DOCK4: variants seen among roughly 807,000 people sequenced by gnomAD.
The protein encoded by DOCK4 is dedicator of cytokinesis protein 4.
In DOCK4, 97 loss-of-function variants were observed where a neutral mutation model predicts 268.1. The observed-to-expected ratio is 0.36, with a 90% CI of 0.31 to 0.43. The LOEUF (loss-of-function observed/expected upper bound fraction) is 0.43, where lower values mean the gene tolerates loss of function less well. Ranked by LOEUF, DOCK4 falls within the 20% of genes least tolerant of loss-of-function variation. DOCK4 has a pLI of 1.00. For missense variants in DOCK4, 2,145 were observed against 2,455.7 expected (o/e 0.87, Z 2.67); for synonymous variants, 954 against 887.2 (o/e 1.08, Z -1.34).
chr7:112,012,594 G>A (rs980619005), intron 1 of DOCK4, among the ~76,000 whole-genome samples: 2 of 151,916 alleles, frequency 1.3e-5, no homozygotes, highest in Admixed American at 1.3e-4. Context: ...CAATCCAAAT[G>A]AAAAACTGTT....
rs1805731432 is a variant in DOCK4, at chr7:111,863,563, G to A, written c.2282C>T (p.Ala761Val). ...GGCAGGGAAAGAGCTCAGAAACACA[G>A]CCTTAAAAAGAAGAAGACATTTAAA... Reference protein sequence around the residue: ...KGSGALSQSQAVFLSSFPAVY... With the variant: ...KGSGALSQSQVVFLSSFPAVY... Residue 761 changes from alanine to valine, a missense_variant and splice_region_variant, in exon 23 of 53, where the codon GCT becomes GTT. Around this residue, in one of 2 missense-constraint regions of DOCK4, gnomAD observed 1,598 missense variants for 1,986.7 expected, o/e 0.80. Coordinates refer to ENST00000428084, the MANE Select transcript of DOCK4 (RefSeq NM_001363540.2). The A allele has an allele frequency of 6.3e-7, 1 of 1,591,150 alleles. No individual in the cohort carries two copies. The highest frequency in any genetic ancestry group is 8.6e-7 in the Non-Finnish European group (1 of 1,166,944).
intron 30 of DOCK4, among the ~76,000 whole-genome samples, chr7:111,805,442 T>C (rs1339644254): frequency 1.3e-5 from 2 of 152,214 alleles, no homozygotes; most frequent in African/African-American, 2.4e-5. Flanking sequence ...GACAAGTTGT[T>C]ATGTAATTTT....
chr7:111,933,321 A>T, intron 12 of DOCK4, among the ~76,000 whole-genome samples: 1 of 123,502 alleles, frequency 8.1e-6, no homozygotes, highest in Middle Eastern at 6.9e-3. Flanking sequence ...TTTGAGATGG[A>T]GTCTCTCTCT....
intron 1 of DOCK4, among the ~76,000 whole-genome samples, chr7:112,131,999 A>G (rs1057036054): frequency 2.6e-5 from 4 of 152,186 alleles, no homozygotes; most frequent in African/African-American, 9.7e-5. Flanking sequence ...AAGCATCATC[A>G]TTGTGAGCCT....
intron 23 of DOCK4, among the ~76,000 whole-genome samples, chr7:111,859,562 ATTTTT>A (rs140285833): frequency 2.0e-5 from 2 of 102,154 alleles, no homozygotes; most frequent in East Asian, 5.2e-4. Context: ...GTGTGTGTTA[ATTTTT>A]TTTTTTTTTT....
intron 1 of DOCK4, among the ~76,000 whole-genome samples, chr7:112,035,296 A>G (rs1331469151): frequency 6.6e-6 from 1 of 151,792 alleles, no homozygotes; most frequent in Non-Finnish European, 1.5e-5. Flanking sequence ...TGAAATGAGG[A>G]CAATTATAAA....
At chr7:111,765,052 T>C in intron 39 of DOCK4, 66 bp downstream of exon 39, 1 of 727,716 alleles carries the variant, frequency 1.4e-6, no homozygotes, top group Non-Finnish European at 2.1e-6. Context: ...CATTAACATC[T>C]TAGTTTTCTT....
chr7:112,120,437 A>T (rs1054851530), intron 1 of DOCK4, among the ~76,000 whole-genome samples: 1 of 152,206 alleles, frequency 6.6e-6, no homozygotes, highest in Non-Finnish European at 1.5e-5. Flanking sequence ...CTGGATTAGT[A>T]ATCTAGACAA....
At chr7:112,056,857 T>C (rs989493797) in intron 1 of DOCK4, among the ~76,000 whole-genome samples, 1 of 152,144 alleles carries the variant, frequency 6.6e-6, no homozygotes, top group African/African-American at 2.4e-5. Flanking sequence ...CAAAAACAAA[T>C]TTTATATACA....
intron 1 of DOCK4, among the ~76,000 whole-genome samples, chr7:112,138,311 G>A (rs929784021): frequency 6.6e-6 from 1 of 152,016 alleles, no homozygotes; most frequent in East Asian, 1.9e-4. Flanking sequence ...GTCACACCTG[G>A]CTACTGAAGT....
chr7:111,956,158 G>A (rs1796432961), intron 8 of DOCK4, among the ~76,000 whole-genome samples: 1 of 152,124 alleles, frequency 6.6e-6, no homozygotes, highest in African/African-American at 2.4e-5. Flanking sequence ...CATTTCGTGA[G>A]AAAAGAATCA....
intron 23 of DOCK4, among the ~76,000 whole-genome samples, chr7:111,851,933 G>GCC (rs1224670505): frequency 6.8e-6 from 1 of 147,830 alleles, no homozygotes; most frequent in African/African-American, 2.5e-5. Flanking sequence ...CTGTGAAAGT[G>GCC]CCTCTCTCTC....
At chr7:111,908,377 G>C (rs1462560697) in intron 13 of DOCK4, among the ~76,000 whole-genome samples, 1 of 152,038 alleles carries the variant, frequency 6.6e-6, no homozygotes. Context: ...GAACATGGAA[G>C]GCAGAGCTTG....
intron 1 of DOCK4, among the ~76,000 whole-genome samples, chr7:112,026,922 T>C (rs1182748135): frequency 6.6e-6 from 1 of 151,918 alleles, no homozygotes; most frequent in African/African-American, 2.4e-5. Flanking sequence ...TTAAAGAGAG[T>C]GGAAATGACT....
intron 1 of DOCK4, among the ~76,000 whole-genome samples, chr7:112,163,219 T>C (rs1453275645): frequency 1.3e-5 from 2 of 152,176 alleles, no homozygotes; most frequent in Non-Finnish European, 2.9e-5. Flanking sequence ...AGAATGGGTT[T>C]GGGGGAACCA....
chr7:112,118,070 GC>G (rs1337265994), intron 1 of DOCK4, among the ~76,000 whole-genome samples: 11 of 151,886 alleles, frequency 7.2e-5, no homozygotes, highest in Non-Finnish European at 1.6e-4. Context: ...AATTCATTTT[GC>G]TTATTGAACC....
At chr7:112,111,084 G>A (rs1306652418) in intron 1 of DOCK4, among the ~76,000 whole-genome samples, 2 of 152,186 alleles carry the variant, frequency 1.3e-5, no homozygotes, top group South Asian at 2.1e-4. Flanking sequence ...AGCACCCACC[G>A]CAGGTGATGT....
intron 23 of DOCK4, among the ~76,000 whole-genome samples, chr7:111,855,113 C>T (rs887975228): frequency 1.2e-4 from 18 of 152,084 alleles, no homozygotes; most frequent in African/African-American, 3.9e-4. Context: ...GGCAGGTGGA[C>T]GGGGCCACAT....
chr7:112,154,578 A>G (rs1160884853), intron 1 of DOCK4, among the ~76,000 whole-genome samples: 2 of 152,204 alleles, frequency 1.3e-5, no homozygotes, highest in African/African-American at 4.8e-5. Flanking sequence ...CAGCTGATAC[A>G]TAGGGTACAG....
Sources: allele counts gnomAD v4.1 joint callset (sites outside exome capture counted in the v4.1 genomes callset), GRCh38; gene constraint gnomAD v4.1.1; regional missense constraint gnomAD v4.1.1; transcripts MANE v1.5; gene names NCBI Gene and HGNC (gene_info 2026-07-23, HGNC 2026-07-21).